CSMD1: variants seen among roughly 807,000 people sequenced by gnomAD.
CSMD1 encodes the protein CUB and sushi domain-containing protein 1.
In CSMD1, 213 loss-of-function variants were observed where a neutral mutation model predicts 417.5. That is an observed-to-expected ratio of 0.51 (90% confidence interval 0.46 to 0.57). CSMD1 has a LOEUF of 0.57. CSMD1 is among the 20% of genes least tolerant of loss of function. CSMD1 has a pLI of 0.00. For missense variants in CSMD1, 6,923 were observed against 4,529.7 expected, an observed-to-expected ratio of 1.53 and a Z score of -15.17; for synonymous variants, 2,862 against 1,736.8, an observed-to-expected ratio of 1.65 and a Z score of -16.11.
chr8:4,140,773 C>T (rs995174179), intron 3 of CSMD1, among the ~76,000 whole-genome samples: 1 of 150,996 alleles, frequency 6.6e-6, no homozygotes, highest in African/African-American at 2.5e-5. Flanking sequence ...TCCAGCTTTG[C>T]TCTCCCCTAG....
At chr8:4,257,643 T>A (rs886797289) in intron 3 of CSMD1, among the ~76,000 whole-genome samples, 1 of 152,208 alleles carries the variant, frequency 6.6e-6, no homozygotes, top group Admixed American at 6.5e-5. Flanking sequence ...AGGAAATACA[T>A]CACATTGGTT....
intron 42 of CSMD1, among the ~76,000 whole-genome samples, chr8:3,117,245 G>C (rs946587418): frequency 6.6e-6 from 1 of 151,968 alleles, no homozygotes; most frequent in African/African-American, 2.4e-5. Context: ...TAATTTTTTT[G>C]TATTTTTAGT....
chr8:3,920,678 A>T (rs1401911286), intron 5 of CSMD1, among the ~76,000 whole-genome samples: 1 of 152,118 alleles, frequency 6.6e-6, no homozygotes, highest in Non-Finnish European at 1.5e-5. Flanking sequence ...GAGAGCTTTT[A>T]TCAGGAAAAT....
At chr8:4,359,701 G>C (rs1169420340) in intron 3 of CSMD1, among the ~76,000 whole-genome samples, 3 of 152,192 alleles carry the variant, frequency 2.0e-5, no homozygotes, top group African/African-American at 7.2e-5. Context: ...GGGTTTTAGT[G>C]TGTTTGTCTA....
intron 7 of CSMD1, among the ~76,000 whole-genome samples, chr8:3,695,521 G>C (rs765901582): frequency 1.5e-4 from 23 of 151,980 alleles, no homozygotes; most frequent in Admixed American, 2.6e-4. Flanking sequence ...ATACAGAAGA[G>C]AACAATAATA....
intron 5 of CSMD1, among the ~76,000 whole-genome samples, chr8:3,897,641 A>T (rs1206362804): frequency 6.6e-6 from 1 of 152,144 alleles, no homozygotes; most frequent in African/African-American, 2.4e-5. Context: ...CTGTAACACA[A>T]ATTATCACCA....
intron 1 of CSMD1, among the ~76,000 whole-genome samples, chr8:4,701,542 G>C (rs1367888882): frequency 6.6e-6 from 1 of 152,030 alleles, no homozygotes; most frequent in Non-Finnish European, 1.5e-5. Flanking sequence ...TGGTGGGCAT[G>C]GGAGGGAGCA....
intron 2 of CSMD1, among the ~76,000 whole-genome samples, chr8:4,533,326 A>T (rs1796934675): frequency 6.6e-6 from 1 of 152,234 alleles, no homozygotes; most frequent in Admixed American, 6.5e-5. Context: ...GCCAAGGATT[A>T]TCAGTAGTTT....
intron 1 of CSMD1, among the ~76,000 whole-genome samples, chr8:4,643,161 T>C (rs965105826): frequency 6.6e-6 from 1 of 152,240 alleles, no homozygotes; most frequent in East Asian, 1.9e-4. Context: ...ACAGCCTTTG[T>C]GGTTTTTATC....
chr8:3,439,309 A>ATATATATATATTTTTTTT lies in CSMD1; in HGVS notation c.1561+29402_1561+29403insAAAAAAAATATATATATA. ...TATATATATATATATATATATATAT[A>ATATATATATATTTTTTTT]TTTTTTTTTTTAATATGTATTTTTA... is the stretch of plus-strand genomic sequence containing the variant. On this transcript the variant is annotated intron_variant, in intron 12 of 69. Coordinates refer to ENST00000635120, the MANE Select transcript of CSMD1 (RefSeq NM_033225.6). 1.1e-3 allele frequency among the ~76,000 whole-genome samples: 67 copies of ATATATATATATTTTTTTT among 62,392 alleles called. 1 individual carries two copies. Among genetic ancestry groups the ATATATATATATTTTTTTT allele is most frequent in the Non-Finnish European group, 1.5e-3 (51 of 34,752 alleles). 40.9% of individuals were successfully genotyped at this position (62,392 alleles called of 152,430 possible). A position where few individuals can be genotyped will look rare whatever the true frequency, so the allele number is the denominator to read the frequency against.
chr8:3,968,367 G>A lies in CSMD1; in HGVS notation c.818+29536C>T, dbSNP rs535987018. On this transcript the variant is annotated intron_variant, in intron 5 of 69. Coordinates refer to ENST00000635120, the MANE Select transcript of CSMD1 (RefSeq NM_033225.6). The stretch of plus-strand genomic sequence containing the variant: ...CCTGATCCTACAAGAATCCAACCTG[G>A]GCACCAGCTCAGTGTGGTCACTGAG... Among the ~76,000 whole-genome samples the A allele has an allele frequency of 3.3e-5, 5 of 152,166 alleles. No homozygotes were observed. In the South Asian group the frequency reaches 6.2e-4, roughly 19 times the overall value.
chr8:3,485,172 G>C (rs916400584), intron 11 of CSMD1, among the ~76,000 whole-genome samples: 2 of 152,206 alleles, frequency 1.3e-5, no homozygotes, highest in Non-Finnish European at 2.9e-5. Context: ...GTGTCCATCT[G>C]TGGGTGAATA....
intron 22 of CSMD1, among the ~76,000 whole-genome samples, chr8:3,347,130 G>A (rs1808058598): frequency 6.6e-6 from 1 of 152,236 alleles, no homozygotes; most frequent in Admixed American, 6.5e-5. Context: ...ACGAATTTGT[G>A]TTGGGCCACA....
At chr8:4,222,361 TAAACAGAA>T (rs1258275095) in intron 3 of CSMD1, among the ~76,000 whole-genome samples, 1 of 142 alleles carries the variant, frequency 7.0e-3, no homozygotes, top group Non-Finnish European at 0.015. Context: ...TCTTATTCTG[TAAACAGAA>T]TAAGAAGCTT....
Position 3,790,347 on chromosome 8 carries a change from G to C in CSMD1, c.819-36305C>G, listed in dbSNP as rs116929630. Reference sequence around the variant, plus strand: ...AATGTATAATGATGGTGATGGTGATGATGATGGTGGTGATAGTGACGGTGA... The same window carrying C: ...AATGTATAATGATGGTGATGGTGATCATGATGGTGGTGATAGTGACGGTGA... On this transcript the variant is annotated intron_variant, in intron 5 of 69. Transcript: ENST00000635120. Among the ~76,000 whole-genome samples the C allele has an allele frequency of 4.6e-3, 694 of 152,184 alleles. 2 individuals are homozygous for C. Among genetic ancestry groups the C allele is most frequent in the Non-Finnish European group, 7.9e-3 (537 of 67,926 alleles).
intron 2 of CSMD1, among the ~76,000 whole-genome samples, chr8:4,565,772 A>ATG (rs1798574522): frequency 3.1e-5 from 1 of 32,154 alleles, no homozygotes; most frequent in African/African-American, 9.8e-5. Flanking sequence ...ATATATATAT[A>ATG]TATATATATA....
intron 3 of CSMD1, among the ~76,000 whole-genome samples, chr8:4,312,618 T>G (rs1451655472): frequency 1.4e-5 from 2 of 145,794 alleles, no homozygotes; most frequent in African/African-American, 5.6e-5. Flanking sequence ...GTCTCACGCC[T>G]GTAATCCCAA....
chr8:3,749,720 A>T (rs1797234554), intron 6 of CSMD1, among the ~76,000 whole-genome samples: 1 of 152,140 alleles, frequency 6.6e-6, no homozygotes, highest in Non-Finnish European at 1.5e-5. Flanking sequence ...AACGAATCAT[A>T]CGGTTTATGT....
intron 2 of CSMD1, among the ~76,000 whole-genome samples, chr8:4,621,919 A>AT (rs1801799613): frequency 1.3e-5 from 2 of 152,120 alleles, no homozygotes; most frequent in African/African-American, 4.8e-5. Context: ...AAACAGAAAA[A>AT]AAGGCAAAAA....
Sources: allele counts gnomAD v4.1 joint callset (sites outside exome capture counted in the v4.1 genomes callset), GRCh38; gene constraint gnomAD v4.1.1; transcripts MANE v1.5; gene names NCBI Gene and HGNC (gene_info 2026-07-23, HGNC 2026-07-21).